The following FARP1 variants were observed in gnomAD, a reference collection of about 807,000 sequenced individuals.
FARP1 encodes FERM, ARH/RhoGEF and pleckstrin domain protein 1, also known as FERM, ARHGEF and pleckstrin domain-containing protein 1.
FARP1 carries 52 observed loss-of-function variants against 128.8 expected under a neutral mutation model. That is an observed-to-expected ratio of 0.40 (90% CI 0.32 to 0.51). FARP1 has a LOEUF of 0.51. Ranked by LOEUF, FARP1 falls within the 20% of genes least tolerant of loss-of-function variation. The pLI, the probability that FARP1 is intolerant of heterozygous loss-of-function variation, is 0.45. For synonymous variants in FARP1, 580 were observed against 551.8 expected (o/e 1.05, Z -0.72); for missense variants, 1,333 against 1,367.9 (o/e 0.97, Z 0.40).
At chr13:98,311,635 C>T (rs1436497509) in intron 2 of FARP1, among the ~76,000 whole-genome samples, 5 of 151,860 alleles carry the variant, frequency 3.3e-5, no homozygotes, top group South Asian at 4.2e-4. Flanking sequence ...CAATCCCAGC[C>T]GTATTCTGGT....
intron 17 of FARP1, among the ~76,000 whole-genome samples, chr13:98,427,186 G>C (rs958084087): frequency 6.6e-6 from 1 of 151,524 alleles, no homozygotes; most frequent in Non-Finnish European, 1.5e-5. Flanking sequence ...CCCCTTAGAT[G>C]CCCCCCAAAT....
intron 2 of FARP1, among the ~76,000 whole-genome samples, chr13:98,285,787 A>G (rs1277459819): frequency 6.6e-6 from 1 of 152,216 alleles, no homozygotes; most frequent in Non-Finnish European, 1.5e-5. Context: ...CTTACTAAGA[A>G]GACAAGTTGT....
intron 19 of FARP1, chr13:98,436,147 T>C (rs1892259934): frequency 1.4e-5 from 3 of 215,508 alleles, no homozygotes. Context: ...CTTCCATATA[T>C]AATTTAATTT....
chr13:98,357,231 CTGTT>C (rs1373676346), intron 3 of FARP1, among the ~76,000 whole-genome samples: 1 of 152,088 alleles, frequency 6.6e-6, no homozygotes, highest in Non-Finnish European at 1.5e-5. Context: ...GAACACCTTG[CTGTT>C]TGTTTTCTTT....
chr13:98,279,781 C>G (rs1594353588), intron 2 of FARP1, among the ~76,000 whole-genome samples: 1 of 152,142 alleles, frequency 6.6e-6, no homozygotes, highest in South Asian at 2.1e-4. Context: ...TACTGTTACT[C>G]GTAGAGGCTT....
chr13:98,365,345 A>T (rs533180826), intron 3 of FARP1, 50 bp from the exon 4 acceptor site: 1 of 1,375,806 alleles, frequency 7.3e-7, no homozygotes, highest in Non-Finnish European at 1.0e-6. Context: ...AAATACTTGC[A>T]CTCTTTCATT....
intron 2 of FARP1, among the ~76,000 whole-genome samples, chr13:98,246,336 C>CTG (rs1555330786): frequency 2.7e-5 from 4 of 148,638 alleles, no homozygotes; most frequent in African/African-American, 7.4e-5. Context: ...ACCTCGTGAT[C>CTG]CCCGCCTCGG....
At chr13:98,376,012 A>G (rs2080903866) in intron 5 of FARP1, among the ~76,000 whole-genome samples, 1 of 152,126 alleles carries the variant, frequency 6.6e-6, no homozygotes, top group Admixed American at 6.5e-5. Context: ...ATATCTAAAA[A>G]TCTATGAGTT....
chr13:98,408,486 C>G (rs1891063524), intron 13 of FARP1, among the ~76,000 whole-genome samples: 1 of 151,610 alleles, frequency 6.6e-6, no homozygotes, highest in Admixed American at 6.6e-5. Context: ...GCCACCATGC[C>G]CAGCTAATGT....
chr13:98,317,683 C>T (rs1886782693), intron 2 of FARP1, among the ~76,000 whole-genome samples: 2 of 152,184 alleles, frequency 1.3e-5, no homozygotes, highest in Admixed American at 1.3e-4. Context: ...CTGTCATAAC[C>T]ACACGTCACT....
In FARP1 at chr13:98,351,625, A is replaced by AG. The variant is rs992669043; in HGVS notation, c.276+7759_276+7760insG. Among the ~76,000 whole-genome samples the AG allele has an allele frequency of 2.0e-5, 3 of 151,568 alleles. No homozygotes were observed. In the East Asian group the frequency reaches 5.8e-4, roughly 29 times the overall value. On this transcript the variant is annotated intron_variant, in intron 3 of 26. Coordinates refer to ENST00000319562, the MANE Select transcript of FARP1 (RefSeq NM_005766.4). The stretch of plus-strand genomic sequence containing the variant: ...AGACTCCATCTAAAAAAAAAAAAAA[A>AG]AGAAAGAAAAAAAGAAAAGAGGTTT...
chr13:98,218,304 C>T (rs76180370), intron 2 of FARP1, among the ~76,000 whole-genome samples: 2 of 152,316 alleles, frequency 1.3e-5, no homozygotes, highest in South Asian at 4.1e-4. Flanking sequence ...TAGCTCACCT[C>T]CAATCAGACC....
At chr13:98,410,615 G>T in intron 14 of FARP1, 119 bp from the exon 15 acceptor site, 2 of 544,972 alleles carry the variant, frequency 3.7e-6, no homozygotes, top group South Asian at 2.9e-5. Flanking sequence ...TTTATTTCTT[G>T]TTGATGCCAG....
intron 14 of FARP1, among the ~76,000 whole-genome samples, chr13:98,410,086 C>G (rs1469163980): frequency 6.6e-6 from 1 of 152,248 alleles, no homozygotes; most frequent in East Asian, 1.9e-4. Context: ...GCTTTGAAGT[C>G]TGTTGTGTGT....
intron 1 of FARP1, among the ~76,000 whole-genome samples, chr13:98,145,131 G>A (rs1305478479): frequency 6.6e-6 from 1 of 152,210 alleles, no homozygotes; most frequent in African/African-American, 2.4e-5. Flanking sequence ...AATTGTTGGT[G>A]GAGACAGTGA....
intron 1 of FARP1, among the ~76,000 whole-genome samples, chr13:98,209,258 T>C (rs1315405226): frequency 1.3e-5 from 2 of 151,760 alleles, no homozygotes; most frequent in Non-Finnish European, 2.9e-5. Flanking sequence ...TCCACCCGCC[T>C]TGGCCTCCCA....
rs1442552354 is a variant in FARP1, at chr13:98,409,349, G to A, written c.1426G>A (p.Gly476Ser). The change falls in exon 14 of 27, where the codon GGC (glycine) becomes AGC (serine). Residue 476 changes from glycine to serine, a missense_variant. Gly to Ser is a moderately conservative substitution (Grantham distance 56, BLOSUM62 0). Coordinates refer to ENST00000319562, the MANE Select transcript of FARP1 (RefSeq NM_005766.4). ...PPQPSTGSLT[G>S]SPHLSELSVN... ...TCATCCCCAAACAGGCTCCCTGACT[G>A]GCAGTCCTCACCTTTCCGAGCTGTC... 1 of 1,606,762 alleles carries A rather than the reference G, an allele frequency of 6.2e-7. No homozygotes were observed. The highest frequency in any genetic ancestry group is 8.5e-7 in the Non-Finnish European group (1 of 1,175,068).
chr13:98,167,485 A>T (rs899588082), intron 1 of FARP1, among the ~76,000 whole-genome samples: 3 of 150,690 alleles, frequency 2.0e-5, no homozygotes, highest in Admixed American at 1.3e-4. Flanking sequence ...TCTCAGCTCA[A>T]TGCAGCCTCT....
intron 1 of FARP1, among the ~76,000 whole-genome samples, chr13:98,152,208 T>A (rs1357683307): frequency 6.6e-6 from 1 of 152,210 alleles, no homozygotes; most frequent in Non-Finnish European, 1.5e-5. Flanking sequence ...ATTTTTGCAC[T>A]TGGGCTTGTT....
Sources: allele counts gnomAD v4.1 joint callset (sites outside exome capture counted in the v4.1 genomes callset), GRCh38; gene constraint gnomAD v4.1.1; transcripts MANE v1.5; gene names NCBI Gene and HGNC (gene_info 2026-07-23, HGNC 2026-07-21).